The following TENM3 variants were observed in gnomAD, a reference collection of about 807,000 sequenced individuals.
TENM3 encodes teneurin-3.
In TENM3, 63 loss-of-function variants were observed where a neutral mutation model predicts 255.1. The observed-to-expected ratio is 0.25, with a 90% CI of 0.20 to 0.30. The LOEUF (loss-of-function observed/expected upper bound fraction) is 0.30, where lower values mean the gene tolerates loss of function less well. Ranked by LOEUF, TENM3 falls within the 10% of genes least tolerant of loss-of-function variation. The pLI, the probability that TENM3 is intolerant of heterozygous loss-of-function variation, is 1.00. For synonymous variants in TENM3, 1,306 were observed against 1,322.3 expected (o/e 0.99, Z 0.27); for missense variants, 2,929 against 3,461.1 (o/e 0.85, Z 3.86).
the TENM3 span, among the ~76,000 whole-genome samples, chr4:181,602,658 C>T: frequency 6.6e-6 from 1 of 152,262 alleles, no homozygotes; most frequent in Non-Finnish European, 1.5e-5. Context: ...AAAGAGGTGG[C>T]AGAATTGTAC....
chr4:181,689,304 A>G, the TENM3 span, among the ~76,000 whole-genome samples: 2 of 152,220 alleles, frequency 1.3e-5, no homozygotes, highest in Non-Finnish European at 1.5e-5. Context: ...AATTTCTGAC[A>G]GTGCTTGTTT....
rs937972566 is a variant in TENM3, at chr4:182,720,913, G to A, written c.2368+6680G>A. 3.3e-5 allele frequency among the ~76,000 whole-genome samples: 5 copies of A among 151,842 alleles called. No homozygotes were observed. The East Asian group carries it at 7.7e-4, about 24-fold the overall frequency. On this transcript the variant is annotated intron_variant, in intron 13 of 27. Coordinates refer to ENST00000511685, the MANE Select transcript of TENM3 (RefSeq NM_001080477.4). The stretch of plus-strand genomic sequence containing the variant: ...CTCCCGAGTAGCTGGAATTACAGGC[G>A]CTTGCCACCAGGCCCGTCTAATTTT...
chr4:181,473,847 A>G, the TENM3 span, among the ~76,000 whole-genome samples: 4 of 140,852 alleles, frequency 2.8e-5, no homozygotes, highest in Non-Finnish European at 4.5e-5. Flanking sequence ...ATATATATAT[A>G]CAGTATATAT....
intron 3 of TENM3, among the ~76,000 whole-genome samples, chr4:182,434,118 A>G (rs78856430): frequency 1.4e-5 from 1 of 71,266 alleles, no homozygotes; most frequent in Non-Finnish European, 3.4e-5. Flanking sequence ...TGCCTCCATT[A>G]AAAAAAAAAA....
intron 1 of TENM3, among the ~76,000 whole-genome samples, chr4:182,160,116 C>T (rs1213298635): frequency 1.3e-5 from 2 of 150,324 alleles, no homozygotes; most frequent in Non-Finnish European, 3.0e-5. Flanking sequence ...CATTCTCCTG[C>T]CTCAGCCTCC....
the TENM3 span, among the ~76,000 whole-genome samples, chr4:181,576,694 G>C: frequency 6.6e-6 from 1 of 151,370 alleles, no homozygotes; most frequent in Non-Finnish European, 1.5e-5. Flanking sequence ...ACAGAAAACT[G>C]TTTTAAACTA....
chr4:181,748,076 T>G, the TENM3 span, among the ~76,000 whole-genome samples: 1 of 152,046 alleles, frequency 6.6e-6, no homozygotes, highest in Non-Finnish European at 1.5e-5. Context: ...ATTTACTGCT[T>G]TCTCCTCTCC....
chr4:182,711,248 A>G (rs1288856239), intron 12 of TENM3, among the ~76,000 whole-genome samples: 3 of 152,200 alleles, frequency 2.0e-5, no homozygotes, highest in South Asian at 4.1e-4. Context: ...CTTTAAGAAT[A>G]AAGAATTGAT....
chr4:182,067,364 G>A, the TENM3 span, among the ~76,000 whole-genome samples: 10,532 of 152,120 alleles, frequency 0.069, 447 homozygotes, highest in African/African-American at 0.12. Context: ...ATTCATGGCC[G>A]TAAACGAGTT....
intron 3 of TENM3, among the ~76,000 whole-genome samples, chr4:182,595,065 T>C (rs1275676736): frequency 6.6e-6 from 1 of 152,146 alleles, no homozygotes; most frequent in Non-Finnish European, 1.5e-5. Context: ...TGTGTGTTTT[T>C]AGCTCCTTTA....
chr4:181,999,047 C>G, the TENM3 span, among the ~76,000 whole-genome samples: 3 of 152,176 alleles, frequency 2.0e-5, no homozygotes, highest in Non-Finnish European at 4.4e-5. Flanking sequence ...GTGCTAGTCG[C>G]TATTCTGGTT....
chr4:181,753,434 C>T, the TENM3 span, among the ~76,000 whole-genome samples: 1 of 152,024 alleles, frequency 6.6e-6, no homozygotes, highest in Admixed American at 6.6e-5. Flanking sequence ...GGAGACGCAA[C>T]AGCCAGAGTC....
the TENM3 span, among the ~76,000 whole-genome samples, chr4:181,462,978 C>T: frequency 3.9e-5 from 6 of 152,188 alleles, no homozygotes; most frequent in South Asian, 4.1e-4. Flanking sequence ...CCACAGCAAA[C>T]GAACAGCTGG....
chr4:181,565,502 A>G, the TENM3 span, among the ~76,000 whole-genome samples: 1 of 152,194 alleles, frequency 6.6e-6, no homozygotes, highest in Non-Finnish European at 1.5e-5. Flanking sequence ...ACATAAAGTG[A>G]TTAGTGTATA....
chr4:181,593,889 C>T, the TENM3 span, among the ~76,000 whole-genome samples: 1 of 151,884 alleles, frequency 6.6e-6, no homozygotes, highest in South Asian at 2.1e-4. Flanking sequence ...TAGATTAAAT[C>T]TTTAAATGCT....
At chr4:181,628,246 T>C in the TENM3 span, among the ~76,000 whole-genome samples, 15 of 152,224 alleles carry the variant, frequency 9.9e-5, no homozygotes, top group African/African-American at 3.6e-4. Flanking sequence ...CTTTGTCAGA[T>C]GAGTAGATCG....
At position 182,503,909 on chromosome 4, in the gene TENM3, C is replaced by T. The variant is rs146079778; in HGVS notation, c.512-97015C>T. Among the ~76,000 whole-genome samples, 168 of 152,260 alleles carry T rather than the reference C, an allele frequency of 1.1e-3. No individual in the cohort carries two copies. In the East Asian group the frequency reaches 0.018, roughly 16 times the overall value. ...CTCTGTGATGCCCTCCCTAATTCCA[C>T]CCTATTTAAAGTTTTATTACTCTTC... On this transcript the variant is annotated intron_variant, in intron 3 of 27. Transcript: ENST00000511685.
the TENM3 span, among the ~76,000 whole-genome samples, chr4:181,490,289 A>T: frequency 1.3e-5 from 2 of 152,180 alleles, no homozygotes; most frequent in Admixed American, 1.3e-4. Context: ...GAATATTTTT[A>T]ATGTCTACCT....
the TENM3 span, among the ~76,000 whole-genome samples, chr4:181,460,678 C>CCT: frequency 1.5e-5 from 2 of 136,862 alleles, no homozygotes; most frequent in Non-Finnish European, 3.1e-5. Flanking sequence ...AGCTATAGTT[C>CCT]TTTTTTTTTT....
Sources: gnomAD v4.1 joint callset for allele counts (sites outside exome capture counted in the v4.1 genomes callset) on GRCh38, gnomAD v4.1.1 for gene constraint, MANE v1.5 for transcripts, NCBI Gene and HGNC (gene_info 2026-07-23, HGNC 2026-07-21) for gene names.